The following HHIPL1 variants were observed in gnomAD, a reference collection of about 807,000 sequenced individuals.
HHIPL1 encodes HHIP like 1, also known as HHIP-like protein 1.
A neutral mutation model predicts 61.8 loss-of-function variants in HHIPL1; 43 were observed. The observed-to-expected ratio is 0.70, with a 90% CI of 0.55 to 0.90. The LOEUF is 0.90. HHIPL1 is among the 40% of genes least tolerant of loss of function. HHIPL1 has a pLI of 0.00. For missense variants in HHIPL1, 1,056 were observed against 1,157.7 expected (o/e 0.91, Z 1.28); for synonymous variants, 482 against 515.8 (o/e 0.93, Z 0.89).
rs2056410993 is a variant in HHIPL1 at position 99,678,438 on chromosome 14, A to C, written c.*2812A>C. 1 of 152,262 alleles carries C rather than the reference A, an allele frequency of 6.6e-6. No homozygotes were observed. The allele number at this position is 152,262 out of a possible 1,614,324, so 9.4% of individuals were successfully genotyped here. A position where few individuals can be genotyped will look rare whatever the true frequency, so the allele number is the denominator to read the frequency against. On this transcript the variant is annotated 3_prime_UTR_variant, in exon 9 of 9. Coordinates refer to ENST00000330710, the MANE Select transcript of HHIPL1 (RefSeq NM_001127258.3). ...TTTCTGCAGAAAGGGTGCTCATCGC[A>C]GATGGAACAATAGTGAGAGGACACC...
chr14:99,606,053 G>A, the HHIPL1 span, among the ~76,000 whole-genome samples: 1 of 152,156 alleles, frequency 6.6e-6, no homozygotes, highest in Non-Finnish European at 1.5e-5. Context: ...GTTGAGAAGA[G>A]ATGGAGGGGA....
chr14:99,660,129 G>A lies in HHIPL1; in HGVS notation c.1376-151G>A, dbSNP rs1298948782. 2.8e-5 allele frequency: 19 copies of A among 671,280 alleles called. No homozygotes were observed. The highest frequency in any genetic ancestry group is 2.6e-5 in the Non-Finnish European group (12 of 461,988). 41.6% of individuals were successfully genotyped at this position (671,280 alleles called of 1,614,324 possible). A position where few individuals can be genotyped will look rare whatever the true frequency, so the allele number is the denominator to read the frequency against. On this transcript the variant is annotated intron_variant, in intron 4 of 8. Transcript: ENST00000330710. This position sits in a 1 kb window ranked among gnomAD's most constrained non-coding sequence, Gnocchi z 4.9. The stretch of plus-strand genomic sequence containing the variant: ...CCCCTGCAGACACGCTTTCCACCAC[G>A]CCAGCCCTGCTGTGGGCACGCCAGC...
the HHIPL1 span, among the ~76,000 whole-genome samples, chr14:99,610,320 C>A: frequency 1.3e-5 from 2 of 152,192 alleles, no homozygotes; most frequent in African/African-American, 4.8e-5. Context: ...ACCACCCAGA[C>A]TAAAGTATTA....
At chr14:99,661,421 A>AGAAAGGAAGGAAGGAAGGAAG in intron 5 of HHIPL1, among the ~76,000 whole-genome samples, 1 of 143,512 alleles carries the variant, frequency 7.0e-6, no homozygotes, top group Non-Finnish European at 1.5e-5. Context: ...GAGAGAGAAA[A>AGAAAGGAAGGAAGGAAGGAAG]GAAGGAAGGA....
At chr14:99,661,317 C>T (rs1178976377) in intron 5 of HHIPL1, among the ~76,000 whole-genome samples, 1 of 151,652 alleles carries the variant, frequency 6.6e-6, no homozygotes, top group Non-Finnish European at 1.5e-5. Flanking sequence ...TAGTACTTGC[C>T]CCTAGGGTGG....
At chr14:99,637,233 A>G in the HHIPL1 span, among the ~76,000 whole-genome samples, 69 of 148,344 alleles carry the variant, frequency 4.7e-4, no homozygotes, top group Middle Eastern at 7.0e-3. Flanking sequence ...AGAAAGAAAG[A>G]AAGAAAGAAA....
intron 2 of HHIPL1, among the ~76,000 whole-genome samples, chr14:99,653,284 G>A (rs945615959): frequency 1.3e-4 from 20 of 152,212 alleles, no homozygotes; most frequent in Admixed American, 7.2e-4. Flanking sequence ...TCCAAAGCCC[G>A]CCCTCTGCCC....
At chr14:99,628,182 G>A in the HHIPL1 span, among the ~76,000 whole-genome samples, 1 of 152,230 alleles carries the variant, frequency 6.6e-6, no homozygotes, top group East Asian at 1.9e-4. Context: ...TCCCCAGGTA[G>A]CATGGCAAAG....
intron 3 of HHIPL1, among the ~76,000 whole-genome samples, chr14:99,658,428 G>A (rs1219384331): frequency 6.6e-6 from 1 of 152,146 alleles, no homozygotes; most frequent in Non-Finnish European, 1.5e-5. Context: ...CATATATCGG[G>A]TGGGAGCGTT....
At chr14:99,631,102 TTCTTTCTC>T in the HHIPL1 span, among the ~76,000 whole-genome samples, 44 of 128,686 alleles carry the variant, frequency 3.4e-4, no homozygotes, top group African/African-American at 1.1e-3. Flanking sequence ...CTTTCTTTCT[TTCTTTCTC>T]TCTCTTTCTT....
At chr14:99,653,620 T>A (rs2055977217) in intron 2 of HHIPL1, among the ~76,000 whole-genome samples, 2 of 152,120 alleles carry the variant, frequency 1.3e-5, no homozygotes. Context: ...CACTGGGTCC[T>A]TTTTCCCACC....
Position 99,652,521 on chromosome 14 carries a change from T to C in HHIPL1, c.553T>C (p.Cys185Arg). Residue 185 changes from cysteine to arginine, a missense_variant, in exon 2 of 9, where the codon TGC (cysteine) becomes CGC (arginine). Transcript: ENST00000330710. ...CGATGCCAAGGGCTGCCTGCAGCTG[T>C]GCCTGGAGGAGGTGGCCAACGGGCT... is the stretch of plus-strand genomic sequence containing the variant. ...VADAKGCLQL[C>R]LEEVANGLRN... The C allele has an allele frequency of 6.2e-7, 1 of 1,613,632 alleles. No individual in the cohort carries two copies. Among genetic ancestry groups the C allele is most frequent in the African/African-American group, 1.3e-5 (1 of 75,068 alleles).
At chr14:99,670,779 C>A (rs1399752466) in intron 7 of HHIPL1, among the ~76,000 whole-genome samples, 1 of 152,084 alleles carries the variant, frequency 6.6e-6, no homozygotes, top group Non-Finnish European at 1.5e-5. Context: ...CAAACATCGC[C>A]CTCCAAAAAA....
At chr14:99,637,043 GAAA>G in the HHIPL1 span, among the ~76,000 whole-genome samples, 11 of 90,356 alleles carry the variant, frequency 1.2e-4, no homozygotes, top group Admixed American at 3.6e-4. Context: ...AAGAAAGAAA[GAAA>G]GAAGGAAGGA....
Position 99,672,335 on chromosome 14 carries a change from A to G in HHIPL1, c.1749A>G (p.Lys583=). The change falls in exon 8 of 9, where the codon AAA becomes AAG. Residue 583 remains lysine (K), a synonymous_variant. Transcript: ENST00000330710. ...TTGGCAGGCGGGCACCACCTGGCAA[A>G]TGTCAGATCCAGCCTGCTCAGGTGA... The part of the protein sequence containing the change: ...IDASRRAPPG[K]CQIQPAQVKI... 6.4e-7 allele frequency: 1 copy of G among 1,551,206 alleles called. No homozygotes were observed.
chr14:99,642,775 T>C (rs921915263), upstream of HHIPL1, among the ~76,000 whole-genome samples: 1 of 151,554 alleles, frequency 6.6e-6, no homozygotes, highest in Non-Finnish European at 1.5e-5. Flanking sequence ...CCGCCCACCT[T>C]GGCCTCCCAA....
In HHIPL1 at chr14:99,678,920, A is replaced by C. The variant is rs1399227357; in HGVS notation, c.*3294A>C. 6.6e-6 allele frequency: 1 copy of C among 152,258 alleles called. No individual in the cohort carries two copies. The highest frequency in any genetic ancestry group is 2.4e-5 in the African/African-American group (1 of 41,466). The allele number at this position is 152,258 out of a possible 1,614,324, so 9.4% of individuals were successfully genotyped here. A position where few individuals can be genotyped will look rare whatever the true frequency, so the allele number is the denominator to read the frequency against. On this transcript the variant is annotated 3_prime_UTR_variant, in exon 9 of 9. Transcript: ENST00000330710. ...TCTTTAACAAGAAGGGAAACTTTCAAGAGGAACTTTTACTTTCTACAACAG... is the reference window on the plus strand; with the variant it reads ...TCTTTAACAAGAAGGGAAACTTTCACGAGGAACTTTTACTTTCTACAACAG...
chr14:99,626,267 G>GGTGTGT, the HHIPL1 span, among the ~76,000 whole-genome samples: 193 of 147,576 alleles, frequency 1.3e-3, no homozygotes, highest in African/African-American at 4.6e-3. Context: ...GGTGTAGCGG[G>GGTGTGT]GTGTGTGTGT....
the HHIPL1 span, among the ~76,000 whole-genome samples, chr14:99,639,999 T>C: frequency 6.6e-6 from 1 of 152,216 alleles, no homozygotes; most frequent in African/African-American, 2.4e-5. Flanking sequence ...ATCTATGTCT[T>C]TTAATTGATC....
Sources: allele counts gnomAD v4.1 joint callset (sites outside exome capture counted in the v4.1 genomes callset), GRCh38; gene constraint gnomAD v4.1.1; non-coding constraint Gnocchi (gnomAD v3.1); transcripts MANE v1.5; gene names NCBI Gene and HGNC (gene_info 2026-07-23, HGNC 2026-07-21).